The following ASIC2 variants were observed in gnomAD, a reference collection of about 807,000 sequenced individuals.
ASIC2 encodes the protein acid-sensing ion channel 2.
ASIC2 carries 25 observed loss-of-function variants against 57.3 expected under a neutral mutation model. That is an observed-to-expected ratio of 0.44 (90% CI 0.32 to 0.61). The LOEUF (loss-of-function observed/expected upper bound fraction) is 0.61, where lower values mean the gene tolerates loss of function less well. ASIC2 is among the 20% of genes least tolerant of loss of function. The pLI is 0.06. For missense variants in ASIC2, 641 were observed against 738.1 expected (o/e 0.87, Z 1.52); for synonymous variants, 319 against 307.5 (o/e 1.04, Z -0.39).
At chr17:33,551,668 A>T (rs1482872682) in intron 1 of ASIC2, among the ~76,000 whole-genome samples, 2 of 152,120 alleles carry the variant, frequency 1.3e-5, no homozygotes, top group African/African-American at 4.8e-5. Flanking sequence ...TCTCTCCAAA[A>T]ACTTCACTGT....
At chr17:33,261,710 A>G (rs965332579) in intron 1 of ASIC2, among the ~76,000 whole-genome samples, 13 of 152,204 alleles carry the variant, frequency 8.5e-5, no homozygotes, top group African/African-American at 3.1e-4. Flanking sequence ...ACAACAGAGG[A>G]GGAAACTGAG....
intron 1 of ASIC2, among the ~76,000 whole-genome samples, chr17:33,137,209 A>G (rs557740922): frequency 6.6e-5 from 10 of 152,382 alleles, no homozygotes; most frequent in South Asian, 2.1e-4. Flanking sequence ...TGAGATGCTT[A>G]AAGGAAGAAA....
chr17:33,841,741 T>G (rs1287439834), intron 1 of ASIC2, among the ~76,000 whole-genome samples: 1 of 152,182 alleles, frequency 6.6e-6, no homozygotes, highest in Non-Finnish European at 1.5e-5. Flanking sequence ...ATTTTGGTCA[T>G]CATCACAAGA....
At chr17:33,166,790 G>C (rs540103838) in intron 1 of ASIC2, among the ~76,000 whole-genome samples, 20 of 152,200 alleles carry the variant, frequency 1.3e-4, no homozygotes, top group Non-Finnish European at 1.8e-4. Context: ...TTGCATAAAG[G>C]CTGGCTTTGC....
intron 1 of ASIC2, among the ~76,000 whole-genome samples, chr17:33,215,727 A>T (rs1243432399): frequency 1.4e-5 from 2 of 146,748 alleles, no homozygotes; most frequent in Non-Finnish European, 3.0e-5. Context: ...TTTGAGACGG[A>T]GTCTCGCTGT....
chr17:33,849,992 T>A (rs557169929), intron 1 of ASIC2, among the ~76,000 whole-genome samples: 23 of 150,656 alleles, frequency 1.5e-4, no homozygotes, highest in African/African-American at 5.3e-4. Flanking sequence ...TACAAAGTAT[T>A]TTTTGAATTC....
Position 33,946,985 on chromosome 17 carries a change from CCACT to C in ASIC2, c.555+208989_555+208992del, listed in dbSNP as rs1411736462. The stretch of plus-strand genomic sequence containing the variant: ...GATCTGCCCTTCCCTGCACCTGCAC[CCACT>C]GAGATTATTGTTATAAAGTTCTGAG... On this transcript the variant is annotated intron_variant, in intron 1 of 9. Transcript: ENST00000359872. Among the ~76,000 whole-genome samples the C allele has an allele frequency of 2.0e-5, 3 of 152,100 alleles. No homozygotes were observed. The East Asian group carries it at 5.8e-4, about 29-fold the overall frequency.
intron 1 of ASIC2, among the ~76,000 whole-genome samples, chr17:33,254,985 T>C (rs983392896): frequency 6.6e-6 from 1 of 151,916 alleles, no homozygotes; most frequent in African/African-American, 2.4e-5. Flanking sequence ...TTTTATATGA[T>C]TATCTAATTA....
chr17:34,127,194 T>G (rs7207988), intron 1 of ASIC2, among the ~76,000 whole-genome samples: 49,127 of 152,030 alleles, frequency 0.32, 11,334 homozygotes, highest in African/African-American at 0.66. Flanking sequence ...GGCCAGGGGG[T>G]CAAAGGAGGC....
At chr17:34,051,848 TACAC>T (rs149564770) in intron 1 of ASIC2, 23 of 144,172 alleles carry the variant, frequency 1.6e-4, no homozygotes, top group East Asian at 6.2e-4. Context: ...CACACACACA[TACAC>T]ACACACAGAG....
At chr17:33,811,014 G>A (rs868608923) in intron 1 of ASIC2, among the ~76,000 whole-genome samples, 1 of 152,146 alleles carries the variant, frequency 6.6e-6, no homozygotes. Context: ...CCCTTTGCAG[G>A]GTGGCTTCCA....
At chr17:33,756,954 C>T (rs1910623006) in intron 1 of ASIC2, among the ~76,000 whole-genome samples, 1 of 152,212 alleles carries the variant, frequency 6.6e-6, no homozygotes, top group African/African-American at 2.4e-5. Flanking sequence ...ACACTCCACA[C>T]AGAGGTTTTG....
At chr17:33,605,042 G>T (rs1397629692) in intron 1 of ASIC2, among the ~76,000 whole-genome samples, 2 of 144,718 alleles carry the variant, frequency 1.4e-5, no homozygotes, top group Non-Finnish European at 3.1e-5. Context: ...TCTCTCTCAA[G>T]TTCTGAGGAA....
In ASIC2 at chr17:33,901,502, G is replaced by A. The variant is rs538129723; in HGVS notation, c.555+254476C>T. ...CTCCCTTATTCCTCTTTTTCATTCT[G>A]GAGCACCTACCATATGCCTGGAAGC... On this transcript the variant is annotated intron_variant, in intron 1 of 9. Transcript: ENST00000359872. 3.3e-5 allele frequency among the ~76,000 whole-genome samples: 5 copies of A among 152,110 alleles called. No individual in the cohort carries two copies. The South Asian group carries it at 1.0e-3, about 32-fold the overall frequency.
chr17:33,248,859 T>C (rs1224843180), intron 1 of ASIC2, among the ~76,000 whole-genome samples: 1 of 152,242 alleles, frequency 6.6e-6, no homozygotes, highest in Non-Finnish European at 1.5e-5. Context: ...CTTGACTTAA[T>C]CATTCCTGCA....
intron 1 of ASIC2, among the ~76,000 whole-genome samples, chr17:33,258,608 T>C (rs993835221): frequency 2.6e-5 from 4 of 152,176 alleles, no homozygotes; most frequent in Non-Finnish European, 5.9e-5. Context: ...GGTGAGTTTG[T>C]TGCCTAGAAT....
chr17:33,709,754 T>C (rs1367701142), intron 1 of ASIC2, among the ~76,000 whole-genome samples: 1 of 152,188 alleles, frequency 6.6e-6, no homozygotes, highest in African/African-American at 2.4e-5. Flanking sequence ...ATGGATAATA[T>C]AATGGGTATA....
intron 1 of ASIC2, among the ~76,000 whole-genome samples, chr17:33,938,016 G>A (rs770230146): frequency 1.8e-4 from 27 of 152,236 alleles, no homozygotes; most frequent in Non-Finnish European, 3.2e-4. Context: ...CTCCTGGGAA[G>A]AATCAGTGAG....
intron 1 of ASIC2, among the ~76,000 whole-genome samples, chr17:33,752,368 C>T (rs1456044351): frequency 7.2e-6 from 1 of 138,426 alleles, no homozygotes; most frequent in Non-Finnish European, 1.6e-5. Context: ...ACACTCTGAA[C>T]GCTTTCATTA....
Sources: allele counts gnomAD v4.1 joint callset (sites outside exome capture counted in the v4.1 genomes callset), GRCh38; gene constraint gnomAD v4.1.1; transcripts MANE v1.5; gene names NCBI Gene and HGNC (gene_info 2026-07-23, HGNC 2026-07-21).